DLG2: variants seen among roughly 807,000 people sequenced by gnomAD.
DLG2 encodes the protein disks large homolog 2.
DLG2 carries 45 observed loss-of-function variants against 132.5 expected under a neutral mutation model. That is an observed-to-expected ratio of 0.34 (90% confidence interval 0.27 to 0.44). DLG2 has a LOEUF of 0.44. DLG2 is among the 20% of genes least tolerant of loss of function. The pLI is 1.00. For missense variants in DLG2, 1,045 were observed against 1,196.9 expected (o/e 0.87, Z 1.87); for synonymous variants, 424 against 419.6 (o/e 1.01, Z -0.13).
At chr11:84,447,284 G>A (rs1256634803) in intron 7 of DLG2, among the ~76,000 whole-genome samples, 2 of 152,146 alleles carry the variant, frequency 1.3e-5, no homozygotes, top group African/African-American at 4.8e-5. Flanking sequence ...ACTATTTGGA[G>A]TAGTTCTGGC....
rs193151734 is a variant in DLG2, at chr11:84,118,301, G to A, written c.625-19254C>T. Among the ~76,000 whole-genome samples, 496 of 152,320 alleles carry A rather than the reference G, an allele frequency of 3.3e-3. 4 individuals carry two copies. Among genetic ancestry groups the A allele is most frequent in the African/African-American group, 0.012 (484 of 41,566 alleles). On this transcript the variant is annotated intron_variant, in intron 9 of 27. Transcript: ENST00000376104. ...TGTTCAGCCTCCTGCTGCATCAAAT[G>A]TGTACTAGAGTAACAGTTTGCCCGA...
chr11:84,219,062 A>C (rs2096878651), intron 8 of DLG2, among the ~76,000 whole-genome samples: 1 of 152,200 alleles, frequency 6.6e-6, no homozygotes, highest in Admixed American at 6.5e-5. Context: ...TTACATAATC[A>C]ATCCTGTAAA....
At chr11:84,942,937 C>T (rs1393176834) in intron 6 of DLG2, among the ~76,000 whole-genome samples, 2 of 152,062 alleles carry the variant, frequency 1.3e-5, no homozygotes, top group Non-Finnish European at 2.9e-5. Context: ...ATTACTATAT[C>T]CTCTTGCTGA....
chr11:83,970,013 C>A (rs1460675982), intron 12 of DLG2, among the ~76,000 whole-genome samples: 1 of 149,678 alleles, frequency 6.7e-6, no homozygotes, highest in African/African-American at 2.4e-5. Flanking sequence ...ACTGAGAGAA[C>A]AGAAGAGAAA....
intron 11 of DLG2, among the ~76,000 whole-genome samples, chr11:84,030,677 G>A (rs1054483905): frequency 6.6e-5 from 10 of 152,102 alleles, no homozygotes; most frequent in African/African-American, 1.9e-4. Flanking sequence ...CCCAGATTGC[G>A]AGGATCATAA....
chr11:85,262,559 C>G (rs2076998166), intron 4 of DLG2, among the ~76,000 whole-genome samples: 2 of 152,288 alleles, frequency 1.3e-5, no homozygotes, highest in East Asian at 1.9e-4. Context: ...ATCACCCTAG[C>G]ACCTGGATCC....
chr11:83,486,347 C>T (rs1266526552), intron 21 of DLG2: 3 of 541,072 alleles, frequency 5.5e-6, no homozygotes, highest in African/African-American at 2.1e-5. Context: ...AATGACTTGT[C>T]ATGCAAAAAA....
rs558105412 is a variant in DLG2 at position 84,880,494 on chromosome 11, A to G, written c.357+231167T>C. ...CTTTGTCCCGAATATTTTGAAAGGT[A>G]TATTTTTCACACTTCCAATTTGAAT... On this transcript the variant is annotated intron_variant, in intron 6 of 27. Coordinates refer to ENST00000376104, the MANE Select transcript of DLG2 (RefSeq NM_001142699.3). 2.6e-5 allele frequency among the ~76,000 whole-genome samples: 4 copies of G among 152,186 alleles called. No homozygotes were observed. The South Asian group carries it at 6.2e-4, about 24-fold the overall frequency.
At chr11:84,708,970 G>A (rs1312552895) in intron 6 of DLG2, among the ~76,000 whole-genome samples, 1 of 151,862 alleles carries the variant, frequency 6.6e-6, no homozygotes, top group African/African-American at 2.4e-5. Flanking sequence ...TAGGAAAAAA[G>A]TTGTCTAGTT....
chr11:84,000,677 C>G (rs1283924909), intron 11 of DLG2, among the ~76,000 whole-genome samples: 1 of 152,056 alleles, frequency 6.6e-6, no homozygotes, highest in African/African-American at 2.4e-5. Flanking sequence ...TCAGTAGAAA[C>G]CATACCGGGC....
chr11:85,332,737 T>C (rs2081852435), intron 3 of DLG2, among the ~76,000 whole-genome samples: 1 of 152,126 alleles, frequency 6.6e-6, no homozygotes, highest in Admixed American at 6.6e-5. Flanking sequence ...GTTATTATTG[T>C]CGACCCTCTC....
chr11:84,559,462 C>T (rs1221284888), intron 6 of DLG2, among the ~76,000 whole-genome samples: 1 of 152,128 alleles, frequency 6.6e-6, no homozygotes, highest in African/African-American at 2.4e-5. Context: ...TTAGGTTTCA[C>T]TGTTGGCACG....
chr11:84,046,264 C>CT (rs965676113), intron 11 of DLG2, among the ~76,000 whole-genome samples: 4 of 151,482 alleles, frequency 2.6e-5, no homozygotes, highest in Non-Finnish European at 5.9e-5. Flanking sequence ...TAATTGTGTG[C>CT]TTTTTGCTAT....
At chr11:84,838,508 C>G (rs1458706599) in intron 6 of DLG2, among the ~76,000 whole-genome samples, 1 of 151,788 alleles carries the variant, frequency 6.6e-6, no homozygotes, top group Non-Finnish European at 1.5e-5. Flanking sequence ...ACATTGTCAA[C>G]TGCTACAACC....
At chr11:84,516,767 GA>G (rs1224471332) in intron 7 of DLG2, among the ~76,000 whole-genome samples, 7 of 150,376 alleles carry the variant, frequency 4.7e-5, no homozygotes, top group African/African-American at 1.5e-4. Context: ...ATAAAAAAAA[GA>G]AAAAAAGAAA....
intron 11 of DLG2, among the ~76,000 whole-genome samples, chr11:84,025,242 G>A (rs553624163): frequency 1.2e-3 from 180 of 152,218 alleles, no homozygotes; most frequent in South Asian, 2.3e-3. Flanking sequence ...ATGGTGGAAG[G>A]CAAGGAGGAG....
At chr11:83,951,689 G>C (rs538794782) in intron 14 of DLG2, among the ~76,000 whole-genome samples, 2 of 152,288 alleles carry the variant, frequency 1.3e-5, no homozygotes, top group Non-Finnish European at 2.9e-5. Context: ...GGAGTGGTGG[G>C]GGATGAGGTC....
chr11:84,189,089 C>T (rs187576652), intron 8 of DLG2, among the ~76,000 whole-genome samples: 351 of 152,244 alleles, frequency 2.3e-3, no homozygotes, highest in Non-Finnish European at 3.9e-3. Context: ...ATGGTCAGTT[C>T]TAATTTTAGG....
At chr11:84,084,917 T>C (rs919478697) in intron 10 of DLG2, among the ~76,000 whole-genome samples, 3 of 152,220 alleles carry the variant, frequency 2.0e-5, no homozygotes, top group Admixed American at 2.0e-4. Context: ...TCCTTGGCTG[T>C]AAATCCCCAT....
Sources: allele counts gnomAD v4.1 joint callset (sites outside exome capture counted in the v4.1 genomes callset), GRCh38; gene constraint gnomAD v4.1.1; transcripts MANE v1.5; gene names NCBI Gene and HGNC (gene_info 2026-07-23, HGNC 2026-07-21).